DGKG: variants seen among roughly 807,000 people sequenced by gnomAD.
DGKG encodes the protein DAG kinase gamma.
A neutral mutation model predicts 105.3 loss-of-function variants in DGKG; 78 were observed. The observed-to-expected ratio is 0.74, with a 90% CI of 0.62 to 0.89. The LOEUF (loss-of-function observed/expected upper bound fraction) is 0.89. Among genes scored for constraint, DGKG ranks in the 40% least tolerant of loss-of-function variants. The probability of loss-of-function intolerance (pLI) is 0.00; values close to 1 mark genes in which losing one functional copy is unlikely to be tolerated. For synonymous variants in DGKG, 346 were observed against 367.1 expected, an observed-to-expected ratio of 0.94 and a Z score of 0.66; for missense variants, 958 against 1,020.1, an observed-to-expected ratio of 0.94 and a Z score of 0.83.
chr3:186,265,376 A>G (rs1223052207), intron 13 of DGKG, 70 bp from the exon 14 acceptor site: 2 of 1,388,444 alleles, frequency 1.4e-6, no homozygotes, highest in African/African-American at 2.8e-5. Context: ...AGATCAGATG[A>G]AAAACAAACG....
chr3:186,169,616 C>T (rs1022078607), intron 22 of DGKG, among the ~76,000 whole-genome samples: 2 of 152,152 alleles, frequency 1.3e-5, no homozygotes, highest in Non-Finnish European at 2.9e-5. Context: ...CCAGGCAAAC[C>T]CTACTGTTTC....
chr3:186,147,424 G>C lies in DGKG; in HGVS notation c.*2666C>G. The C allele has an allele frequency of 1.0e-6, 1 of 983,440 alleles. No homozygotes were observed. The highest frequency in any genetic ancestry group is 1.2e-6 in the Non-Finnish European group (1 of 827,986). The allele number at this position is 983,440 out of a possible 1,614,324, so 60.9% of individuals were successfully genotyped here. A position where few individuals can be genotyped will look rare whatever the true frequency, so the allele number is the denominator to read the frequency against. ...CTCTGCTAACCTCAGAGGTTGCTAT[G>C]AGGGTCACTATGATGAGGGACTCCA... On this transcript the variant is annotated 3_prime_UTR_variant, in exon 25 of 25. Transcript: ENST00000265022.
At chr3:186,293,197 T>C (rs2108608240) in intron 5 of DGKG, among the ~76,000 whole-genome samples, 1 of 152,356 alleles carries the variant, frequency 6.6e-6, no homozygotes, top group South Asian at 2.1e-4. Flanking sequence ...TTTGGGCAAA[T>C]GTACAATGAC....
intron 3 of DGKG, among the ~76,000 whole-genome samples, chr3:186,303,376 T>A (rs1189474132): frequency 2.6e-5 from 4 of 152,168 alleles, no homozygotes; most frequent in African/African-American, 7.2e-5. Context: ...CCAAAGGAAC[T>A]CTGTTTTTCC....
chr3:186,150,324 G>T lies in DGKG; in HGVS notation c.2278-136C>A. The T allele has an allele frequency of 3.3e-6, 4 of 1,212,616 alleles. No homozygotes were observed. In the South Asian group the frequency reaches 6.4e-5, roughly 19 times the overall value. The allele number at this position is 1,212,616 out of a possible 1,614,324, so 75.1% of individuals were successfully genotyped here. The stretch of plus-strand genomic sequence containing the variant: ...GCAGAAGGACAACTGTCCTTGAACG[G>T]CTTCAAAATTGGCAACTTGACCCTG... On this transcript the variant is annotated intron_variant, in intron 24 of 24. Coordinates refer to ENST00000265022, the MANE Select transcript of DGKG (RefSeq NM_001346.3).
intron 1 of DGKG, among the ~76,000 whole-genome samples, chr3:186,326,941 TGAGCCCAG>T (rs1309247577): frequency 1.3e-5 from 2 of 152,140 alleles, no homozygotes; most frequent in Non-Finnish European, 2.9e-5. Flanking sequence ...GGCAGATGCT[TGAGCCCAG>T]GAGTTCTAGA....
In DGKG at chr3:186,253,582, A is replaced by C. The variant is rs74981271; in HGVS notation, c.1511-400T>G. On this transcript the variant is annotated intron_variant, in intron 17 of 24. Coordinates refer to ENST00000265022, the MANE Select transcript of DGKG (RefSeq NM_001346.3). Reference sequence around the variant, plus strand: ...ACTTTGTAAGGGATTATCCTCCTTCAAGTAGCTGAAGAAACTGAGATTGAC... The same window carrying C: ...ACTTTGTAAGGGATTATCCTCCTTCCAGTAGCTGAAGAAACTGAGATTGAC... Among the ~76,000 whole-genome samples the C allele has an allele frequency of 1.3e-3, 198 of 152,310 alleles. 1 individual carries two copies. Among genetic ancestry groups the C allele is most frequent in the Middle Eastern group, 3.4e-3 (1 of 294 alleles).
chr3:186,268,762 C>T (rs769565293), intron 12 of DGKG, 39 bp downstream of exon 12: 32 of 1,449,942 alleles, frequency 2.2e-5, no homozygotes, highest in South Asian at 1.1e-4. Flanking sequence ...GGCAAAAAAA[C>T]GTTGAAAAGA....
chr3:186,200,487 T>C (rs2108510478), intron 21 of DGKG, among the ~76,000 whole-genome samples: 1 of 152,296 alleles, frequency 6.6e-6, no homozygotes, highest in East Asian at 1.9e-4. Context: ...CTTCCTATCT[T>C]TGGAGTATTC....
chr3:186,338,169 C>CAAAA (rs34436386), intron 1 of DGKG, among the ~76,000 whole-genome samples: 8 of 75,620 alleles, frequency 1.1e-4, no homozygotes, highest in Non-Finnish European at 1.7e-4. Context: ...GACCCTATCT[C>CAAAA]AAAAAAAAAA....
intron 22 of DGKG, among the ~76,000 whole-genome samples, chr3:186,183,507 G>T (rs917669577): frequency 1.3e-5 from 2 of 151,138 alleles, no homozygotes; most frequent in Admixed American, 1.3e-4. Context: ...CCTTTCTTGG[G>T]GGGGGGCGGG....
chr3:186,178,129 GATCT>G (rs1717178676), intron 22 of DGKG, among the ~76,000 whole-genome samples: 1 of 152,192 alleles, frequency 6.6e-6, no homozygotes, highest in African/African-American at 2.4e-5. Flanking sequence ...CTTGTGGCTT[GATCT>G]TGGACTTCCC....
chr3:186,258,308 G>A (rs573717678), intron 16 of DGKG, among the ~76,000 whole-genome samples: 4 of 152,060 alleles, frequency 2.6e-5, no homozygotes, highest in Non-Finnish European at 5.9e-5. Context: ...CCTGACACCC[G>A]CCCTGGTAAG....
chr3:186,213,108 G>A (rs1048092537), intron 20 of DGKG, among the ~76,000 whole-genome samples: 6 of 152,198 alleles, frequency 3.9e-5, no homozygotes, highest in African/African-American at 1.2e-4. Context: ...CTGAGATCTA[G>A]TTGGTTGGGA....
intron 6 of DGKG, among the ~76,000 whole-genome samples, chr3:186,286,260 A>T (rs773782055): frequency 6.6e-6 from 1 of 152,130 alleles, no homozygotes; most frequent in Non-Finnish European, 1.5e-5. Context: ...AGAGGCATGC[A>T]TCGTATGCTG....
At position 186,280,757 on chromosome 3, in the gene DGKG, A is replaced by C. The variant is rs1722794871; in HGVS notation, c.595-13T>G. ...TGCAATCCATCTCCTAGAAAATAGCAAAGGGAGAAAATATCAAAAGGAGAC... is the reference window on the plus strand; with the variant it reads ...TGCAATCCATCTCCTAGAAAATAGCCAAGGGAGAAAATATCAAAAGGAGAC... On this transcript the variant is annotated splice_polypyrimidine_tract_variant and intron_variant, in intron 7 of 24. Transcript: ENST00000265022. 1 of 1,609,356 alleles carries C rather than the reference A, an allele frequency of 6.2e-7. No homozygotes were observed. The highest frequency in any genetic ancestry group is 1.3e-5 in the African/African-American group (1 of 74,842).
intron 13 of DGKG, among the ~76,000 whole-genome samples, chr3:186,266,504 C>A (rs1722063691): frequency 6.6e-6 from 1 of 152,182 alleles, no homozygotes; most frequent in Non-Finnish European, 1.5e-5. Flanking sequence ...CAGGTAGATG[C>A]ACTGGAGGAG....
chr3:186,177,814 G>A (rs769653575), intron 22 of DGKG, among the ~76,000 whole-genome samples: 1 of 152,208 alleles, frequency 6.6e-6, no homozygotes, highest in Non-Finnish European at 1.5e-5. Flanking sequence ...TGTCCCATAA[G>A]TAGGTATTCA....
At chr3:186,175,669 G>A (rs997061689) in intron 22 of DGKG, among the ~76,000 whole-genome samples, 2 of 152,140 alleles carry the variant, frequency 1.3e-5, no homozygotes, top group Non-Finnish European at 2.9e-5. Flanking sequence ...TGGTGGTCCC[G>A]GTGAGGTCCA....
Sources: allele counts gnomAD v4.1 joint callset (sites outside exome capture counted in the v4.1 genomes callset), GRCh38; gene constraint gnomAD v4.1.1; transcripts MANE v1.5; gene names NCBI Gene and HGNC (gene_info 2026-07-23, HGNC 2026-07-21).